The following GLIS1 variants were observed in gnomAD, a reference collection of about 807,000 sequenced individuals.
The protein encoded by GLIS1 is GLIS family zinc finger 1, also known as zinc finger protein GLIS1.
GLIS1 carries 24 observed loss-of-function variants against 63.8 expected under a neutral mutation model. The observed-to-expected ratio is 0.38, with a 90% CI of 0.27 to 0.53. The LOEUF is 0.53. GLIS1 is among the 20% of genes least tolerant of loss of function. The probability of loss-of-function intolerance (pLI) is 0.85; values close to 1 mark genes in which losing one functional copy is unlikely to be tolerated. For missense variants in GLIS1, 1,036 were observed against 1,074.1 expected (o/e 0.96, Z 0.50); for synonymous variants, 450 against 482.5 (o/e 0.93, Z 0.88).
At chr1:53,562,062 G>T (rs1466402395) in intron 4 of GLIS1, among the ~76,000 whole-genome samples, 3 of 152,192 alleles carry the variant, frequency 2.0e-5, no homozygotes, top group African/African-American at 7.2e-5. Context: ...GGCAGATGGG[G>T]TTACAGAGAC....
chr1:53,592,624 G>A (rs752040739), intron 4 of GLIS1, among the ~76,000 whole-genome samples: 2 of 152,124 alleles, frequency 1.3e-5, no homozygotes, highest in Non-Finnish European at 2.9e-5. Flanking sequence ...CCAGAGCATC[G>A]CCAGGGGCTG....
At position 53,637,364 on chromosome 1, in the gene GLIS1, G is replaced by A. The variant is rs149618254; in HGVS notation, c.260-37086C>T. ...GATGACGGGAGGATACCCAGGGATG[G>A]GGAGCTACAAGTGGGTCCCTGAGGG... On this transcript the variant is annotated intron_variant, in intron 2 of 10. Coordinates refer to ENST00000628545, the MANE Select transcript of GLIS1 (RefSeq NM_001367484.1). 4.4e-3 allele frequency among the ~76,000 whole-genome samples: 673 copies of A among 152,282 alleles called. 8 individuals are homozygous for A. The highest frequency in any genetic ancestry group is 0.028 in the Admixed American group (424 of 15,310).
At chr1:53,722,336 G>C (rs1443971493) in intron 2 of GLIS1, among the ~76,000 whole-genome samples, 2 of 152,180 alleles carry the variant, frequency 1.3e-5, no homozygotes, top group African/African-American at 2.4e-5. Flanking sequence ...TGCAGCATTA[G>C]CTTTACTGGG....
intron 2 of GLIS1, among the ~76,000 whole-genome samples, chr1:53,619,151 G>A (rs1016616411): frequency 7.2e-5 from 11 of 152,312 alleles, no homozygotes; most frequent in Admixed American, 1.3e-4. Context: ...GGACAGGCCT[G>A]CCTGGTCTGG....
Position 53,594,190 on chromosome 1 carries a change from C to G in GLIS1, c.1238G>C (p.Arg413Pro). 6.2e-7 allele frequency: 1 copy of G among 1,613,974 alleles called. No individual in the cohort carries two copies. Among genetic ancestry groups the G allele is most frequent in the Non-Finnish European group, 8.5e-7 (1 of 1,179,966 alleles). ...GCGGGCGTTGAAGGGCTTGTAGCGG[C>G]GCACGCAGCCAGCCCAGAAGCAGGT... Reference protein sequence around the residue: ...DFTCFWAGCVRRYKPFNARYK... With the variant: ...DFTCFWAGCVPRYKPFNARYK... Residue 413 changes from arginine to proline, a missense_variant, in exon 4 of 11, where the codon CGC becomes CCC. Around this residue, in one of 3 missense-constraint regions of GLIS1, gnomAD observed 592 missense variants for 593.9 expected, o/e 1.00. Coordinates refer to ENST00000628545, the MANE Select transcript of GLIS1 (RefSeq NM_001367484.1).
chr1:53,650,366 G>A (rs186158373), intron 2 of GLIS1, among the ~76,000 whole-genome samples: 140 of 152,324 alleles, frequency 9.2e-4, no homozygotes, highest in African/African-American at 3.3e-3. Context: ...GAGGCAGGTG[G>A]ATCACCTGAA....
At chr1:53,738,234 G>C (rs186790108) in intron 1 of GLIS1, 128 bp from the exon 2 acceptor site, 19 of 481,070 alleles carry the variant, frequency 3.9e-5, no homozygotes, top group Non-Finnish European at 6.2e-5. Context: ...TTAGCACCAC[G>C]ACACCTAGCC....
chr1:53,723,469 G>A (rs991146117), intron 2 of GLIS1, among the ~76,000 whole-genome samples: 5 of 152,042 alleles, frequency 3.3e-5, no homozygotes, highest in African/African-American at 1.2e-4. Context: ...CCTGACCTCA[G>A]GTGATCCGCC....
chr1:53,506,779 GT>G lies in GLIS1; in HGVS notation c.2231-4del, dbSNP rs774640370. On this transcript the variant is annotated splice_region_variant and splice_polypyrimidine_tract_variant and intron_variant, in intron 10 of 10. Coordinates refer to ENST00000628545, the MANE Select transcript of GLIS1 (RefSeq NM_001367484.1). ...GGCCTCAGCCAGGGCCTCATAGCCT[GT>G]GAGTGGTTGGGAAAGGGTCAGCGCT... The G allele has an allele frequency of 7.5e-6, 12 of 1,607,908 alleles. No homozygotes were observed. In the East Asian group the frequency reaches 2.7e-4, roughly 36 times the overall value.
At position 53,627,823 on chromosome 1, in the gene GLIS1, G is replaced by A. The variant is rs191074659; in HGVS notation, c.260-27545C>T. Among the ~76,000 whole-genome samples, 111 of 152,228 alleles carry A rather than the reference G, an allele frequency of 7.3e-4. 2 individuals are homozygous for A. Among genetic ancestry groups the A allele is most frequent in the African/African-American group, 2.6e-3 (108 of 41,528 alleles). Reference sequence around the variant, plus strand: ...TGTACCTGTTGTGTGCCAGGCACTGGGCTTGGCATGACTTGTTTTAAGCCA... The same window carrying A: ...TGTACCTGTTGTGTGCCAGGCACTGAGCTTGGCATGACTTGTTTTAAGCCA... On this transcript the variant is annotated intron_variant, in intron 2 of 10. Transcript: ENST00000628545.
intron 6 of GLIS1, among the ~76,000 whole-genome samples, chr1:53,522,145 C>A (rs983241204): frequency 6.6e-6 from 1 of 152,222 alleles, no homozygotes; most frequent in Non-Finnish European, 1.5e-5. Flanking sequence ...TCTTGTAGAC[C>A]GCAATGTCGA....
rs189142241 is a variant in GLIS1 at position 53,511,320 on chromosome 1, A to G, written c.1884-1293T>C. Among the ~76,000 whole-genome samples the G allele has an allele frequency of 6.6e-6, 1 of 152,326 alleles. No individual in the cohort carries two copies. Among genetic ancestry groups the G allele is most frequent in the African/African-American group, 2.4e-5 (1 of 41,572 alleles). ...ACCCTCTGAGACACCAAGTATTGAC[A>G]AACAGATCAGTGCCTCTCTGAAGGA... On this transcript the variant is annotated intron_variant, in intron 8 of 10. Coordinates refer to ENST00000628545, the MANE Select transcript of GLIS1 (RefSeq NM_001367484.1). The surrounding 1 kb of genome is among the most constrained non-coding windows in gnomAD (Gnocchi z 4.2).
chr1:53,621,862 G>A (rs1645546681), intron 2 of GLIS1, among the ~76,000 whole-genome samples: 1 of 152,022 alleles, frequency 6.6e-6, no homozygotes, highest in Non-Finnish European at 1.5e-5. Context: ...CCAGGTTGGA[G>A]TGCAGTGGTG....
At chr1:53,720,246 A>G (rs886627303) in intron 2 of GLIS1, among the ~76,000 whole-genome samples, 3 of 152,268 alleles carry the variant, frequency 2.0e-5, no homozygotes, top group Non-Finnish European at 4.4e-5. Context: ...CCAAGAAGGA[A>G]TCAACCTAAG....
At chr1:53,713,671 A>G (rs1646669143) in intron 2 of GLIS1, among the ~76,000 whole-genome samples, 2 of 152,222 alleles carry the variant, frequency 1.3e-5, no homozygotes. Flanking sequence ...CTGAGGTGGA[A>G]GGATCGCTTG....
At chr1:53,548,750 A>C (rs79733902) in intron 4 of GLIS1, among the ~76,000 whole-genome samples, 1,572 of 152,340 alleles carry the variant, frequency 0.01, 24 homozygotes, top group African/African-American at 0.033. Flanking sequence ...CCTTCAATAA[A>C]GTCAGTTATT....
At chr1:53,732,458 A>G (rs1316154930) in intron 2 of GLIS1, among the ~76,000 whole-genome samples, 1 of 147,622 alleles carries the variant, frequency 6.8e-6, no homozygotes, top group Non-Finnish European at 1.5e-5. Context: ...CTTTGCTTCC[A>G]ATGCTGAAAG....
At chr1:53,637,521 A>T (rs1257865128) in intron 2 of GLIS1, among the ~76,000 whole-genome samples, 1 of 152,116 alleles carries the variant, frequency 6.6e-6, no homozygotes, top group Non-Finnish European at 1.5e-5. Context: ...CCATTCCCAC[A>T]CCCGAGGTTC....
chr1:53,576,292 G>A (rs1268661210), intron 4 of GLIS1, among the ~76,000 whole-genome samples: 3 of 151,996 alleles, frequency 2.0e-5, no homozygotes, highest in Non-Finnish European at 4.4e-5. Flanking sequence ...CATCCTACTG[G>A]GGCATCAGAT....
Sources: gnomAD v4.1 joint callset for allele counts (sites outside exome capture counted in the v4.1 genomes callset) on GRCh38, gnomAD v4.1.1 for gene constraint, gnomAD v4.1.1 regional missense constraint, Gnocchi (gnomAD v3.1) non-coding constraint, MANE v1.5 for transcripts, NCBI Gene and HGNC (gene_info 2026-07-23, HGNC 2026-07-21) for gene names.